The following ICE2 variants were observed in gnomAD, a reference collection of about 807,000 sequenced individuals.
ICE2 encodes the protein interactor of little elongation complex ELL subunit 2, also known as little elongation complex subunit 2.
In ICE2, 87 loss-of-function variants were observed where a neutral mutation model predicts 105.4. The observed-to-expected ratio is 0.83, with a 90% CI of 0.69 to 0.99. The LOEUF (loss-of-function observed/expected upper bound fraction) is 0.99. Among genes scored for constraint, ICE2 ranks in the 50% least tolerant of loss-of-function variants. ICE2 has a pLI of 0.00. For missense variants in ICE2, 1,323 were observed against 1,146.7 expected (o/e 1.15, Z -2.22); for synonymous variants, 399 against 392.0 (o/e 1.02, Z -0.21).
rs751968880 is a variant in ICE2, at chr15:60,456,722, A to C, written c.601T>G (p.Leu201Val). The change falls in exon 6 of 16, where the codon TTA becomes GTA. Residue 201 changes from leucine to valine, a missense_variant. By Grantham distance (32) the Leu-to-Val change is conservative. Transcript: ENST00000261520. The part of the protein sequence containing the change: ...EFYTLHEVTS[L>V]MGFFPFRVEM... ...ACTCTGAATGGGAAGAATCCCATTA[A>C]GCTGGTGACCTCGTGGAGAGTATAG... 2 of 1,596,764 alleles carry C rather than the reference A, an allele frequency of 1.3e-6. No individual in the cohort carries two copies. The highest frequency in any genetic ancestry group is 1.7e-6 in the Non-Finnish European group (2 of 1,170,660).
intron 15 of ICE2, among the ~76,000 whole-genome samples, chr15:60,424,672 C>A (rs2063302020): frequency 1.3e-5 from 2 of 152,134 alleles, no homozygotes; most frequent in Admixed American, 1.3e-4. Context: ...CCATGCCTGG[C>A]TAACTTTTGT....
rs1296612194 is a variant in ICE2, at chr15:60,422,906, T to C, written c.*728A>G. 1 of 152,430 alleles carries C rather than the reference T, an allele frequency of 6.6e-6. No individual in the cohort carries two copies. The highest frequency in any genetic ancestry group is 2.4e-5 in the African/African-American group (1 of 41,458). 9.4% of individuals were successfully genotyped at this position (152,430 alleles called of 1,614,324 possible). ...ATCTGGAGCAATGACACTGACTTTT[T>C]TTCTGGAAAACATACCTATCTCTTT... On this transcript the variant is annotated 3_prime_UTR_variant, in exon 16 of 16. Transcript: ENST00000261520.
At position 60,455,129 on chromosome 15, in the gene ICE2, C is replaced by T. The variant is rs1275775362; in HGVS notation, c.817G>A (p.Val273Ile). The T allele has an allele frequency of 3.8e-6, 6 of 1,587,906 alleles. No homozygotes were observed. The highest frequency in any genetic ancestry group is 2.2e-5 in the East Asian group (1 of 44,774). ...ISKDPNAEKL[V>I]SRYHPQIALT... Reference sequence around the variant, plus strand: ...GCTATCTGAGGGTGATATCTGGAAACAAGCTTCTCTGCATTTGGATCTTTA... The same window carrying T: ...GCTATCTGAGGGTGATATCTGGAAATAAGCTTCTCTGCATTTGGATCTTTA... The change falls in exon 8 of 16, where the codon GTT (valine) becomes ATT (isoleucine). Residue 273 changes from valine to isoleucine, a missense_variant. Coordinates refer to ENST00000261520, the MANE Select transcript of ICE2 (RefSeq NM_024611.6).
chr15:60,466,023 A>G (rs2064417177), intron 5 of ICE2, among the ~76,000 whole-genome samples: 1 of 152,060 alleles, frequency 6.6e-6, no homozygotes, highest in Non-Finnish European at 1.5e-5. Context: ...AAGTGCTGGG[A>G]TTAGAGGTGT....
rs765463383 is a variant in ICE2 at position 60,463,766 on chromosome 15, G to A, written c.528+2828C>T. On this transcript the variant is annotated intron_variant, in intron 5 of 15. Coordinates refer to ENST00000261520, the MANE Select transcript of ICE2 (RefSeq NM_024611.6). ...GCCTGGGCGACAAGAGCGAAGCTCC[G>A]TCTCTTAAAAAAAGAAAAAAAAATC... Among the ~76,000 whole-genome samples, 6 of 151,942 alleles carry A rather than the reference G, an allele frequency of 3.9e-5. No homozygotes were observed. In the South Asian group the frequency reaches 6.2e-4, roughly 16 times the overall value.
chr15:60,466,768 T>A lies in ICE2; in HGVS notation c.409-55A>T. 2.9e-6 allele frequency: 4 copies of A among 1,403,298 alleles called. No individual in the cohort carries two copies. In the Admixed American group the frequency reaches 6.1e-5, roughly 21 times the overall value. The allele number at this position is 1,403,298 out of a possible 1,614,324, so 86.9% of individuals were successfully genotyped here. A position where few individuals can be genotyped will look rare whatever the true frequency, so the allele number is the denominator to read the frequency against. On this transcript the variant is annotated intron_variant, in intron 4 of 15. Transcript: ENST00000261520. The stretch of plus-strand genomic sequence containing the variant: ...GGATAAAAAGTTTCATTAAAAAGAA[T>A]CACATTCTTAATCATTGCTATAATA...
chr15:60,463,026 A>T (rs2064322393), intron 5 of ICE2, among the ~76,000 whole-genome samples: 1 of 152,212 alleles, frequency 6.6e-6, no homozygotes, highest in Non-Finnish European at 1.5e-5. Flanking sequence ...AAATTACAAG[A>T]CACTCAATAA....
intron 12 of ICE2, chr15:60,438,156 A>G (rs2063637712): frequency 1.3e-5 from 2 of 152,244 alleles, no homozygotes; most frequent in South Asian, 2.1e-4. Context: ...TAAATGTTAT[A>G]TAAGTCAACA....
chr15:60,468,320 C>T lies in ICE2; in HGVS notation c.149G>A (p.Arg50His), dbSNP rs540766531. Reference sequence around the variant, plus strand: ...TGAGGCATTCAAATTTTCTCCTATACGTCTGGAAAACAAAATATAATTTAC... The same window carrying T: ...TGAGGCATTCAAATTTTCTCCTATATGTCTGGAAAACAAAATATAATTTAC... ...LKELRVLSNR[R>H]IGENLNASAS... The change falls in exon 4 of 16, where the codon CGT (arginine) becomes CAT (histidine). Residue 50 changes from arginine to histidine, a missense_variant and splice_region_variant. Coordinates refer to ENST00000261520, the MANE Select transcript of ICE2 (RefSeq NM_024611.6). 28 of 1,595,036 alleles carry T rather than the reference C, an allele frequency of 1.8e-5. No individual in the cohort carries two copies. The highest frequency in any genetic ancestry group is 1.6e-4 in the South Asian group (14 of 89,206).
Position 60,476,138 on chromosome 15 carries a change from G to A in ICE2, c.71C>T (p.Thr24Ile), listed in dbSNP as rs1567017950. The change falls in exon 3 of 16, where the codon ACA (threonine) becomes ATA (isoleucine). Residue 24 changes from threonine to isoleucine, a missense_variant. By Grantham distance (89) the Thr-to-Ile change is moderately conservative (BLOSUM62 -1). Transcript: ENST00000261520. ...WDISPKNGLK[T>I]FFSRENYKDH... ...TTTATAATTTTCTCGAGAGAAAAAT[G>A]TCTTAAGGCCATTTTTGGGGGAAAT... The A allele has an allele frequency of 1.2e-6, 2 of 1,604,528 alleles. No homozygotes were observed. The highest frequency in any genetic ancestry group is 1.1e-5 in the South Asian group (1 of 89,158).
At chr15:60,424,749 G>A (rs2063303829) in intron 15 of ICE2, among the ~76,000 whole-genome samples, 1 of 152,132 alleles carries the variant, frequency 6.6e-6, no homozygotes, top group African/African-American at 2.4e-5. Flanking sequence ...CAAGTGATCT[G>A]CCCGCCTCAG....
chr15:60,453,682 A>T lies in ICE2; in HGVS notation c.1046T>A (p.Phe349Tyr), dbSNP rs1231263843. The T allele has an allele frequency of 6.2e-7, 1 of 1,613,336 alleles. No individual in the cohort carries two copies. Among genetic ancestry groups the T allele is most frequent in the African/African-American group, 1.3e-5 (1 of 74,912 alleles). The change falls in exon 9 of 16, where the codon TTT (phenylalanine) becomes TAT (tyrosine). Residue 349 changes from phenylalanine (F) to tyrosine (Y), a missense_variant. Transcript: ENST00000261520. ...AACAGATGTGTTTTTGGACATCATA[A>T]ATTTTAATGGAACTTCATGAAAGAT... ...NQIFHEVPLK[F>Y]MMSKNTSVPV... is the part of the protein sequence containing the mutation.
intron 13 of ICE2, among the ~76,000 whole-genome samples, chr15:60,435,461 T>G (rs532244074): frequency 3.3e-5 from 5 of 151,480 alleles, no homozygotes; most frequent in Admixed American, 6.6e-5. Flanking sequence ...TAGCCAGGCG[T>G]GGTGGCGCAT....
intron 4 of ICE2, among the ~76,000 whole-genome samples, chr15:60,467,429 C>T (rs907519812): frequency 3.3e-5 from 5 of 152,046 alleles, no homozygotes; most frequent in African/African-American, 1.2e-4. Context: ...TCATTTTTCC[C>T]ATTTTAAATT....
rs188100837 is a variant in ICE2 at position 60,479,080 on chromosome 15, G to T, written c.-170C>A. 82 of 449,982 alleles carry T rather than the reference G, an allele frequency of 1.8e-4. 1 individual carries two copies. The highest frequency in any genetic ancestry group is 1.4e-3 in the African/African-American group (69 of 49,912). 27.9% of individuals were successfully genotyped at this position (449,982 alleles called of 1,614,324 possible). On this transcript the variant is annotated 5_prime_UTR_variant, in exon 1 of 16. Coordinates refer to ENST00000261520, the MANE Select transcript of ICE2 (RefSeq NM_024611.6). ...TCCACCCCACTCCTCACATTGTCGC[G>T]CGCGCCCAAAAAAGACCATATTTAA... is the stretch of plus-strand genomic sequence containing the variant.
Position 60,448,896 on chromosome 15 carries a change from T to C in ICE2, c.2071A>G (p.Ser691Gly), listed in dbSNP as rs756505167. 4.3e-6 allele frequency: 7 copies of C among 1,610,972 alleles called. No individual in the cohort carries two copies. The East Asian group carries it at 1.3e-4, about 31-fold the overall frequency. ...EQLSGPSDSS[S>G]WPKSGWPSAF... ...GAAGGCCATCCAGATTTCGGCCAACTAGAGGAGTCTGAAGGACCAGACAAT... is the reference window on the plus strand; with the variant it reads ...GAAGGCCATCCAGATTTCGGCCAACCAGAGGAGTCTGAAGGACCAGACAAT... The change falls in exon 10 of 16, where the codon AGT (serine) becomes GGT (glycine). Residue 691 changes from serine to glycine, a missense_variant. Coordinates refer to ENST00000261520, the MANE Select transcript of ICE2 (RefSeq NM_024611.6).
Position 60,468,216 on chromosome 15 carries a change from C to A in ICE2, c.253G>T (p.Val85Phe). 6.2e-7 allele frequency: 1 copy of A among 1,614,006 alleles called. No homozygotes were observed. The highest frequency in any genetic ancestry group is 1.3e-5 in the African/African-American group (1 of 75,044). ...GGAACTCTTGGTTTTGGAAGAAGAACCATTCCAATTGTGGTTTTAACTTTT... is the reference window on the plus strand; with the variant it reads ...GGAACTCTTGGTTTTGGAAGAAGAAACATTCCAATTGTGGTTTTAACTTTT... ...KEKVKTTIGM[V>F]LLPKPRVPYP... The change falls in exon 4 of 16, where the codon GTT (valine) becomes TTT (phenylalanine). Residue 85 changes from valine (V) to phenylalanine (F), a missense_variant. Val to Phe is a conservative substitution (Grantham distance 50). Transcript: ENST00000261520.
Position 60,456,813 on chromosome 15 carries a change from G to C in ICE2, c.529-19C>G. On this transcript the variant is annotated intron_variant, in intron 5 of 15. Transcript: ENST00000261520. Reference sequence around the variant, plus strand: ...AAATTTTCTGAGAAACAGAAATTAAGAAAAATTCATTTGTATTTCTCTAAT... The same window carrying C: ...AAATTTTCTGAGAAACAGAAATTAACAAAAATTCATTTGTATTTCTCTAAT... 7.0e-7 allele frequency: 1 copy of C among 1,422,182 alleles called. No homozygotes were observed. The highest frequency in any genetic ancestry group is 1.5e-5 in the South Asian group (1 of 67,350). The allele number at this position is 1,422,182 out of a possible 1,614,324, so 88.1% of individuals were successfully genotyped here.
chr15:60,443,607 T>A (rs1180936890), intron 11 of ICE2, among the ~76,000 whole-genome samples: 1 of 152,222 alleles, frequency 6.6e-6, no homozygotes, highest in Non-Finnish European at 1.5e-5. Flanking sequence ...GATTTTACAT[T>A]AATAACAAGC....
Sources: gnomAD v4.1 joint callset for allele counts (sites outside exome capture counted in the v4.1 genomes callset) on GRCh38, gnomAD v4.1.1 for gene constraint, MANE v1.5 for transcripts, NCBI Gene and HGNC (gene_info 2026-07-23, HGNC 2026-07-21) for gene names.